Variants in PDE12 observed in about 807,000 individuals in gnomAD.
PDE12 encodes the protein 2',5'-phosphodiesterase 12.
Under a neutral mutation model 45.4 loss-of-function variants are expected in PDE12, and 26 were observed. The ratio of observed to expected loss-of-function variants is 0.57; its 90% CI spans 0.42 to 0.79. The LOEUF is 0.79. PDE12 is among the 30% of genes least tolerant of loss of function. PDE12 has a pLI of 0.00. For synonymous variants in PDE12, 283 were observed against 323.9 expected (o/e 0.87, Z 1.36); for missense variants, 668 against 790.0 (o/e 0.85, Z 1.85).
chr3:57,577,463 G>T, the PDE12 span: 1 of 1,115,178 alleles, frequency 9.0e-7, no homozygotes, highest in Non-Finnish European at 1.4e-6. Context: ...GCAGCAAAAT[G>T]GTACCAATGG....
the PDE12 span, chr3:57,633,198 C>T: frequency 1.9e-5 from 25 of 1,323,554 alleles, no homozygotes; most frequent in East Asian, 9.3e-5. Context: ...TTTTGGAGGG[C>T]GGGAAAAACA....
At chr3:57,573,430 G>A in the PDE12 span, among the ~76,000 whole-genome samples, 1 of 152,092 alleles carries the variant, frequency 6.6e-6, no homozygotes, top group African/African-American at 2.4e-5. Context: ...CCAGTTTAAT[G>A]TTGCAAGGCC....
chr3:57,583,347 A>G, the PDE12 span, among the ~76,000 whole-genome samples: 6 of 152,182 alleles, frequency 3.9e-5, no homozygotes, highest in African/African-American at 1.4e-4. Flanking sequence ...GGGATTTTCA[A>G]AGGTCCCCAT....
At chr3:57,628,232 G>C in the PDE12 span, 1 of 1,613,318 alleles carries the variant, frequency 6.2e-7, no homozygotes, top group African/African-American at 1.3e-5. Flanking sequence ...TGCCCGTTTT[G>C]AGCAGTATGC....
At chr3:57,583,583 T>G in the PDE12 span, among the ~76,000 whole-genome samples, 1 of 152,308 alleles carries the variant, frequency 6.6e-6, no homozygotes, top group African/African-American at 2.4e-5. Context: ...AATGACAGTT[T>G]ATACAGACCT....
chr3:57,559,409 C>G lies in PDE12; in HGVS notation c.1387+21C>G, dbSNP rs776545193. On this transcript the variant is annotated intron_variant, in intron 2 of 2. Transcript: ENST00000311180. ...TAAAGGTAGGTTTTATTTGGTATCA[C>G]AAGTGACTTAAACACGCTTAAAGTT... is the stretch of plus-strand genomic sequence containing the variant. 1.2e-5 allele frequency: 19 copies of G among 1,592,402 alleles called. No individual in the cohort carries two copies. In the African/African-American group the frequency reaches 1.7e-4, roughly 14 times the overall value.
At chr3:57,569,046 G>A (rs1190334030), downstream of PDE12, among the ~76,000 whole-genome samples, 1 of 152,054 alleles carries the variant, frequency 6.6e-6, no homozygotes. Context: ...CAACTGTTCT[G>A]TACAATAGGG....
the PDE12 span, among the ~76,000 whole-genome samples, chr3:57,629,535 G>A: frequency 1.2e-4 from 16 of 137,000 alleles, no homozygotes; most frequent in East Asian, 2.1e-4. Flanking sequence ...TTTTTGAGAC[G>A]GAGTCTCGCT....
chr3:57,596,831 G>C, the PDE12 span: 5 of 510,424 alleles, frequency 9.8e-6, no homozygotes, highest in South Asian at 8.8e-5. Context: ...AGGAGAAAAA[G>C]CCGAGTCCAG....
the PDE12 span, among the ~76,000 whole-genome samples, chr3:57,656,177 G>A: frequency 6.6e-6 from 1 of 152,116 alleles, no homozygotes; most frequent in Non-Finnish European, 1.5e-5. Flanking sequence ...CAGCCCTTAT[G>A]TAGTAGATTT....
At chr3:57,567,227 G>A (rs1032350726), downstream of PDE12, among the ~76,000 whole-genome samples, 7 of 151,786 alleles carry the variant, frequency 4.6e-5, no homozygotes, top group Admixed American at 3.9e-4. Context: ...CAGGAGAATC[G>A]CTTGAACCCA....
chr3:57,584,325 C>G, the PDE12 span: 3 of 1,336,534 alleles, frequency 2.2e-6, no homozygotes, highest in African/African-American at 1.5e-5. Context: ...CAAAACTAGA[C>G]TGTATATATT....
At chr3:57,610,798 T>C in the PDE12 span, among the ~76,000 whole-genome samples, 145 of 152,142 alleles carry the variant, frequency 9.5e-4, 2 homozygotes, top group East Asian at 0.022. Flanking sequence ...ATCGTGAAAA[T>C]GGCCATACTG....
the PDE12 span, among the ~76,000 whole-genome samples, chr3:57,591,395 T>C: frequency 3.3e-5 from 5 of 150,464 alleles, no homozygotes; most frequent in South Asian, 2.1e-4. Context: ...GTGAATTTAA[T>C]GAAAAGGAAA....
chr3:57,605,818 T>C, the PDE12 span, among the ~76,000 whole-genome samples: 1 of 152,100 alleles, frequency 6.6e-6, no homozygotes, highest in Non-Finnish European at 1.5e-5. Context: ...TTTAAAAGAC[T>C]TGAGCATCTA....
At chr3:57,636,516 G>C in the PDE12 span, among the ~76,000 whole-genome samples, 1 of 152,306 alleles carries the variant, frequency 6.6e-6, no homozygotes, top group Admixed American at 6.5e-5. Flanking sequence ...AATATGGAGG[G>C]AAAGGTGCTG....
chr3:57,603,299 C>T, the PDE12 span, among the ~76,000 whole-genome samples: 1 of 152,148 alleles, frequency 6.6e-6, no homozygotes, highest in East Asian at 1.9e-4. Flanking sequence ...CCCAAATCTC[C>T]ATCCTTCCTG....
chr3:57,592,592 A>G, the PDE12 span, among the ~76,000 whole-genome samples: 1 of 152,180 alleles, frequency 6.6e-6, no homozygotes, highest in African/African-American at 2.4e-5. Context: ...CTACACACGG[A>G]TGAGAAACAT....
At position 57,564,198 on chromosome 3, in the gene PDE12, G is replaced by C. The variant is rs1347389652; in HGVS notation, c.*4194G>C. 6.6e-6 allele frequency: 1 copy of C among 151,936 alleles called. No homozygotes were observed. The highest frequency in any genetic ancestry group is 1.5e-5 in the Non-Finnish European group (1 of 68,000). 9.4% of individuals were successfully genotyped at this position (151,936 alleles called of 1,614,324 possible). ...CCTGCCTCAGCCTCTGAAAGTGCTG[G>C]GATTACAGGCATGAGCCACGGTACC... On this transcript the variant is annotated 3_prime_UTR_variant, in exon 3 of 3. Transcript: ENST00000311180.
Sources: gnomAD v4.1 joint callset for allele counts (sites outside exome capture counted in the v4.1 genomes callset) on GRCh38, gnomAD v4.1.1 for gene constraint, MANE v1.5 for transcripts, NCBI Gene and HGNC (gene_info 2026-07-23, HGNC 2026-07-21) for gene names.